RBFOX1: variants seen among roughly 807,000 people sequenced by gnomAD.
RBFOX1 encodes RNA binding protein fox-1 homolog 1.
Under a neutral mutation model 57.7 loss-of-function variants are expected in RBFOX1, and 8 were observed. The observed-to-expected ratio is 0.14, with a 90% confidence interval of 0.08 to 0.25. The LOEUF is 0.25. RBFOX1 is among the 10% of genes least tolerant of loss of function. The probability of loss-of-function intolerance (pLI) is 1.00; values close to 1 mark genes in which losing one functional copy is unlikely to be tolerated. For synonymous variants in RBFOX1, 326 were observed against 222.4 expected (o/e 1.47, Z -4.15); for missense variants, 611 against 548.5 (o/e 1.11, Z -1.14).
chr16:5,606,819 G>C (rs2047599301), intron 3 of RBFOX1, among the ~76,000 whole-genome samples: 1 of 152,180 alleles, frequency 6.6e-6, no homozygotes, highest in East Asian at 1.9e-4. Flanking sequence ...GGGGCTCCAG[G>C]TAGAAGGAAC....
chr16:7,379,070 G>A (rs776697103), intron 4 of RBFOX1, among the ~76,000 whole-genome samples: 10 of 152,176 alleles, frequency 6.6e-5, no homozygotes, highest in Non-Finnish European at 1.0e-4. Flanking sequence ...TCATAGAAAT[G>A]TAGTACTGGG....
chr16:5,298,237 A>G (rs1221944670), intron 1 of RBFOX1, among the ~76,000 whole-genome samples: 1 of 152,210 alleles, frequency 6.6e-6, no homozygotes, highest in Non-Finnish European at 1.5e-5. Context: ...ATCAAGTAAA[A>G]AATACCTTGT....
chr16:5,970,353 C>G (rs887800362), intron 4 of RBFOX1, among the ~76,000 whole-genome samples: 1 of 151,902 alleles, frequency 6.6e-6, no homozygotes, highest in Non-Finnish European at 1.5e-5. Context: ...AAATATTAAA[C>G]ACGTGTTTCT....
At chr16:7,335,509 C>T (rs2144685970) in intron 4 of RBFOX1, among the ~76,000 whole-genome samples, 1 of 149,728 alleles carries the variant, frequency 6.7e-6, no homozygotes, top group Middle Eastern at 3.5e-3. Flanking sequence ...TGGCAGAGTG[C>T]TCCCTTTTCA....
At chr16:6,032,929 A>C (rs12932768) in intron 1 of RBFOX1, among the ~76,000 whole-genome samples, 1 of 150,890 alleles carries the variant, frequency 6.6e-6, no homozygotes, top group Non-Finnish European at 1.5e-5. Flanking sequence ...TCAGGTGCCA[A>C]TAATAGCTTA....
chr16:5,650,319 GC>G (rs1451000884), intron 3 of RBFOX1, among the ~76,000 whole-genome samples: 3 of 151,756 alleles, frequency 2.0e-5, no homozygotes, highest in Admixed American at 6.6e-5. Flanking sequence ...TTCAGAGGCA[GC>G]CACGGCGGTG....
intron 1 of RBFOX1, among the ~76,000 whole-genome samples, chr16:6,180,364 C>T (rs1354363987): frequency 6.6e-6 from 1 of 151,652 alleles, no homozygotes; most frequent in Non-Finnish European, 1.5e-5. Context: ...TGTGTCTTTC[C>T]AGAAATATTT....
At chr16:6,889,182 C>G (rs540552940) in intron 3 of RBFOX1, among the ~76,000 whole-genome samples, 1 of 152,284 alleles carries the variant, frequency 6.6e-6, no homozygotes, top group Admixed American at 6.5e-5. Flanking sequence ...ACTGAAAATA[C>G]TGAGTTCATT....
chr16:7,396,637 C>G (rs982647105), intron 4 of RBFOX1, among the ~76,000 whole-genome samples: 3 of 152,198 alleles, frequency 2.0e-5, no homozygotes, highest in Non-Finnish European at 4.4e-5. Context: ...AAGGACAACA[C>G]TTCTCAAAAC....
intron 3 of RBFOX1, among the ~76,000 whole-genome samples, chr16:6,851,349 C>A (rs908935231): frequency 6.6e-6 from 1 of 151,986 alleles, no homozygotes; most frequent in Non-Finnish European, 1.5e-5. Context: ...TTTGTCCTGG[C>A]TGTGATATTT....
At chr16:7,666,472 T>TAA (rs2069313744) in intron 13 of RBFOX1, among the ~76,000 whole-genome samples, 1 of 152,198 alleles carries the variant, frequency 6.6e-6, no homozygotes, top group African/African-American at 2.4e-5. Flanking sequence ...CACGCCTCAG[T>TAA]TTCTTCAAAC....
chr16:7,066,745 T>C (rs2056143597), intron 4 of RBFOX1, among the ~76,000 whole-genome samples: 1 of 152,196 alleles, frequency 6.6e-6, no homozygotes, highest in Non-Finnish European at 1.5e-5. Context: ...AATCATTTCT[T>C]CTTTGTATGC....
At chr16:5,945,786 G>T (rs1181586653) in intron 4 of RBFOX1, among the ~76,000 whole-genome samples, 2 of 152,166 alleles carry the variant, frequency 1.3e-5, no homozygotes, top group African/African-American at 4.8e-5. Flanking sequence ...TACCCAGTGA[G>T]GCTCTAGAAT....
chr16:5,683,854 A>G lies in RBFOX1; in HGVS notation c.318+84893A>G, dbSNP rs145137070. On this transcript the variant is annotated intron_variant, in intron 3 of 19. Transcript: ENST00000641259. ...ATATTATATGTAAATTATGTATTAC[A>G]TACAGATACCTATATGTATGTAAAA... Among the ~76,000 whole-genome samples the G allele has an allele frequency of 6.7e-5, 10 of 150,292 alleles. No homozygotes were observed. The East Asian group carries it at 1.8e-3, about 26-fold the overall frequency.
intron 1 of RBFOX1, among the ~76,000 whole-genome samples, chr16:6,172,715 G>C (rs148719103): frequency 3.3e-5 from 5 of 152,220 alleles, no homozygotes; most frequent in African/African-American, 1.2e-4. Context: ...CACATATAGA[G>C]TACATCACAA....
chr16:6,551,754 G>T (rs928043448), intron 2 of RBFOX1, among the ~76,000 whole-genome samples: 15 of 152,152 alleles, frequency 9.9e-5, no homozygotes, highest in African/African-American at 2.9e-4. Flanking sequence ...GGCAGCAGTT[G>T]TGGACAGCTG....
At chr16:5,638,754 G>T (rs774320011) in intron 3 of RBFOX1, among the ~76,000 whole-genome samples, 1 of 152,186 alleles carries the variant, frequency 6.6e-6, no homozygotes, top group Non-Finnish European at 1.5e-5. Flanking sequence ...GCTTGAGTAG[G>T]ATCCTGTACT....
Position 6,092,224 on chromosome 16 carries a change from G to T in RBFOX1, c.-127+72232G>T, listed in dbSNP as rs150956242. Among the ~76,000 whole-genome samples the T allele has an allele frequency of 1.2e-3, 183 of 152,300 alleles. 1 individual carries two copies. The highest frequency in any genetic ancestry group is 4.1e-3 in the African/African-American group (169 of 41,562). The stretch of plus-strand genomic sequence containing the variant: ...TTTATTGAGTGCTAGTCACATGGCA[G>T]CCAAGCTCTAAATGCTTCACATGCA... On this transcript the variant is annotated intron_variant, in intron 1 of 15. Coordinates refer to ENST00000550418, the MANE Select transcript of RBFOX1 (RefSeq NM_018723.4).
At chr16:6,459,984 C>CAAAAAAAAAAAAAAAAAAAAAAAAAAA (rs149424076) in intron 2 of RBFOX1, among the ~76,000 whole-genome samples, 7 of 47,684 alleles carry the variant, frequency 1.5e-4, no homozygotes, top group Non-Finnish European at 2.4e-4. Flanking sequence ...AACTCCATCT[C>CAAAAAAAAAAAAAAAAAAAAAAAAAAA]AAAAAAAAAA....
Sources: allele counts gnomAD v4.1 joint callset (sites outside exome capture counted in the v4.1 genomes callset), GRCh38; gene constraint gnomAD v4.1.1; transcripts MANE v1.5; gene names NCBI Gene and HGNC (gene_info 2026-07-23, HGNC 2026-07-21).